CIMIP6: variants seen among roughly 807,000 people sequenced by gnomAD.
The protein encoded by CIMIP6 is ciliary microtubule inner protein 6, also known as uncharacterized protein C2orf73.
At chr2:54,350,002 A>G in the CIMIP6 span, among the ~76,000 whole-genome samples, 2 of 152,178 alleles carry the variant, frequency 1.3e-5, no homozygotes, top group Admixed American at 1.3e-4. Flanking sequence ...GGCACCCACC[A>G]TCATGCCCGG....
chr2:54,367,865 T>C, the CIMIP6 span, among the ~76,000 whole-genome samples: 1 of 152,186 alleles, frequency 6.6e-6, no homozygotes, highest in African/African-American at 2.4e-5. Flanking sequence ...ATTTTCTTTA[T>C]TACAAAAATT....
At chr2:54,366,216 G>T in the CIMIP6 span, among the ~76,000 whole-genome samples, 1 of 152,154 alleles carries the variant, frequency 6.6e-6, no homozygotes, top group African/African-American at 2.4e-5. Flanking sequence ...TTCTAAAAAT[G>T]TCCTTGAAGG....
chr2:54,356,279 T>G, the CIMIP6 span, among the ~76,000 whole-genome samples: 1 of 152,168 alleles, frequency 6.6e-6, no homozygotes, highest in Non-Finnish European at 1.5e-5. Flanking sequence ...TTTCATCAGC[T>G]CGTTATCCTG....
the CIMIP6 span, among the ~76,000 whole-genome samples, chr2:54,372,721 T>C: frequency 1.3e-5 from 2 of 152,194 alleles, no homozygotes; most frequent in Non-Finnish European, 2.9e-5. Context: ...CCAGCTCTTC[T>C]TCAGACCCAG....
the CIMIP6 span, among the ~76,000 whole-genome samples, chr2:54,345,876 A>G: frequency 4.6e-5 from 7 of 152,256 alleles, no homozygotes; most frequent in African/African-American, 1.7e-4. Flanking sequence ...GTTTCCATAA[A>G]GGGATAGAAA....
the CIMIP6 span, among the ~76,000 whole-genome samples, chr2:54,344,245 T>G: frequency 1.3e-5 from 2 of 152,170 alleles, no homozygotes; most frequent in Non-Finnish European, 2.9e-5. Flanking sequence ...TGACTTGTCC[T>G]TTAGAAAGAT....
the CIMIP6 span, among the ~76,000 whole-genome samples, chr2:54,343,116 T>A: frequency 6.6e-6 from 1 of 152,194 alleles, no homozygotes; most frequent in Non-Finnish European, 1.5e-5. Flanking sequence ...GACAAATCAA[T>A]GAGTTGCAGT....
the CIMIP6 span, chr2:54,340,070 G>A: frequency 3.1e-4 from 24 of 77,322 alleles, 6 homozygotes; most frequent in South Asian, 7.1e-3. Flanking sequence ...AAGGAGCCCC[G>A]TCATCCGGAA....
chr2:54,335,972 C>G, the CIMIP6 span, among the ~76,000 whole-genome samples: 1 of 152,120 alleles, frequency 6.6e-6, no homozygotes. Flanking sequence ...TTAGAATGCA[C>G]CCACCCAGAT....
At chr2:54,337,386 G>C in the CIMIP6 span, among the ~76,000 whole-genome samples, 1 of 152,052 alleles carries the variant, frequency 6.6e-6, no homozygotes, top group Non-Finnish European at 1.5e-5. Context: ...TTATGCTCTC[G>C]TACCAATTAT....
At chr2:54,331,937 C>G in the CIMIP6 span, among the ~76,000 whole-genome samples, 3 of 152,148 alleles carry the variant, frequency 2.0e-5, no homozygotes, top group Non-Finnish European at 2.9e-5. Context: ...GGAACCAGCC[C>G]CAGAGATTCT....
the CIMIP6 span, among the ~76,000 whole-genome samples, chr2:54,337,789 G>T: frequency 1.5e-4 from 23 of 152,168 alleles, no homozygotes; most frequent in African/African-American, 5.6e-4. Flanking sequence ...AAGTGAGTTT[G>T]AGATGAAATA....
the CIMIP6 span, among the ~76,000 whole-genome samples, chr2:54,331,618 T>A: frequency 1.3e-5 from 2 of 152,110 alleles, no homozygotes; most frequent in African/African-American, 2.4e-5. Context: ...TCTGCAGTGA[T>A]AAAGACCAGC....
chr2:54,374,549 A>G, the CIMIP6 span, among the ~76,000 whole-genome samples: 1 of 152,248 alleles, frequency 6.6e-6, no homozygotes, highest in Admixed American at 6.5e-5. Flanking sequence ...CCAAATTAAC[A>G]GGATAGTTTG....
the CIMIP6 span, among the ~76,000 whole-genome samples, chr2:54,343,087 A>G: frequency 6.6e-6 from 1 of 152,328 alleles, no homozygotes; most frequent in East Asian, 1.9e-4. Context: ...AAGTTTATCA[A>G]ACTGAGTCAT....
the CIMIP6 span, among the ~76,000 whole-genome samples, chr2:54,375,923 C>T: frequency 4.6e-5 from 7 of 150,978 alleles, no homozygotes; most frequent in African/African-American, 1.2e-4. Context: ...TGGAAGGTTA[C>T]TCACCATAAT....
the CIMIP6 span, among the ~76,000 whole-genome samples, chr2:54,333,627 G>A: frequency 3.9e-5 from 6 of 152,100 alleles, no homozygotes; most frequent in East Asian, 5.8e-4. Context: ...AGTGGTTCAC[G>A]CCTGTAATCC....
chr2:54,382,770 C>A, the CIMIP6 span, among the ~76,000 whole-genome samples: 1 of 152,188 alleles, frequency 6.6e-6, no homozygotes, highest in Non-Finnish European at 1.5e-5. Flanking sequence ...TTTATGCCAA[C>A]AGAATGCAGA....
At chr2:54,375,390 T>C in the CIMIP6 span, among the ~76,000 whole-genome samples, 7 of 152,146 alleles carry the variant, frequency 4.6e-5, no homozygotes, top group African/African-American at 7.2e-5. Context: ...ATAAATACTG[T>C]CAAGTAATTG....
Sources: allele counts gnomAD v4.1 joint callset (sites outside exome capture counted in the v4.1 genomes callset), GRCh38; gene constraint gnomAD v4.1.1; transcripts MANE v1.5; gene names NCBI Gene and HGNC (gene_info 2026-07-23, HGNC 2026-07-21).